GPHN: variants seen among roughly 807,000 people sequenced by gnomAD.
GPHN encodes gephyrin.
In GPHN, 17 loss-of-function variants were observed where a neutral mutation model predicts 95.5. The ratio of observed to expected loss-of-function variants is 0.18; its 90% CI spans 0.12 to 0.27. GPHN has a LOEUF of 0.27. Ranked by LOEUF, GPHN falls within the 10% of genes least tolerant of loss-of-function variation. The pLI, the probability that GPHN is intolerant of heterozygous loss-of-function variation, is 1.00. For synonymous variants in GPHN, 320 were observed against 322.5 expected, an observed-to-expected ratio of 0.99 and a Z score of 0.08; for missense variants, 660 against 978.1, an observed-to-expected ratio of 0.67 and a Z score of 4.34.
downstream of GPHN, among the ~76,000 whole-genome samples, chr14:67,186,643 A>G (rs143732912): frequency 1.3e-5 from 2 of 152,302 alleles, no homozygotes; most frequent in East Asian, 3.9e-4. Flanking sequence ...TGTCAAAAAC[A>G]AAAAACAACC....
intron 1 of GPHN, among the ~76,000 whole-genome samples, chr14:66,644,352 T>G (rs1428130199): frequency 1.3e-5 from 2 of 152,080 alleles, no homozygotes. Flanking sequence ...GATGATGCTT[T>G]GTGAGACTAA....
intron 1 of GPHN, among the ~76,000 whole-genome samples, chr14:66,659,207 G>A (rs1181613242): frequency 2.4e-4 from 36 of 151,234 alleles, no homozygotes; most frequent in Admixed American, 2.3e-3. Context: ...CTTGAGATGT[G>A]CTTTTTGTTT....
At chr14:67,366,709 T>G in the GPHN span, among the ~76,000 whole-genome samples, 1 of 152,192 alleles carries the variant, frequency 6.6e-6, no homozygotes, top group Non-Finnish European at 1.5e-5. Flanking sequence ...TATGTCCTCC[T>G]AGACAAGCCT....
At position 66,709,572 on chromosome 14, in the gene GPHN, A is replaced by G. The variant is rs1029313033; in HGVS notation, c.143+28387A>G. The G allele has an allele frequency of 8.9e-6, 3 of 338,630 alleles. No individual in the cohort carries two copies. The Admixed American group carries it at 1.1e-4, about 12-fold the overall frequency. 21.0% of individuals were successfully genotyped at this position (338,630 alleles called of 1,614,324 possible). A position where few individuals can be genotyped will look rare whatever the true frequency, so the allele number is the denominator to read the frequency against. On this transcript the variant is annotated intron_variant, in intron 2 of 22. Coordinates refer to ENST00000478722, the MANE Select transcript of GPHN (RefSeq NM_020806.5). ...TGTAAAATTTCATCATACTCCTCAG[A>G]CTGGCACATAATTTAAAACCTAAGT...
chr14:67,400,639 A>G, the GPHN span, among the ~76,000 whole-genome samples: 1 of 152,032 alleles, frequency 6.6e-6, no homozygotes, highest in African/African-American at 2.4e-5. Context: ...GGAGTGGAGA[A>G]GGCAATTAAG....
the GPHN span, among the ~76,000 whole-genome samples, chr14:67,679,735 C>A: frequency 1.3e-5 from 2 of 151,960 alleles, no homozygotes; most frequent in African/African-American, 4.8e-5. Flanking sequence ...TTTATAATTC[C>A]GATGCAGAAA....
At chr14:67,321,315 A>G in the GPHN span, 1 of 1,536,786 alleles carries the variant, frequency 6.5e-7, no homozygotes, top group Non-Finnish European at 9.0e-7. Flanking sequence ...CATATAGAGT[A>G]ATCTAGTGGA....
the GPHN span, chr14:67,562,453 C>T: frequency 1.2e-6 from 2 of 1,613,914 alleles, no homozygotes; most frequent in Middle Eastern, 1.7e-4. Context: ...AGCTTCTTAC[C>T]TTCAGATGTA....
chr14:66,780,074 T>A (rs1041454270), intron 3 of GPHN, among the ~76,000 whole-genome samples: 2 of 152,136 alleles, frequency 1.3e-5, no homozygotes, highest in Non-Finnish European at 1.5e-5. Flanking sequence ...TTATTGGATG[T>A]TTAGGGGAAA....
intron 9 of GPHN, among the ~76,000 whole-genome samples, chr14:66,979,089 G>T (rs769872987): frequency 2.6e-4 from 39 of 152,170 alleles, no homozygotes; most frequent in East Asian, 5.8e-4. Context: ...AGGCTTTCTT[G>T]TTCCATTTGT....
At chr14:67,077,904 A>T (rs2076558899) in intron 11 of GPHN, among the ~76,000 whole-genome samples, 1 of 152,146 alleles carries the variant, frequency 6.6e-6, no homozygotes, top group African/African-American at 2.4e-5. Context: ...GCCTGAGATC[A>T]CTTAATTGTA....
chr14:66,985,707 A>C (rs1434250618), intron 9 of GPHN: 2 of 1,532,006 alleles, frequency 1.3e-6, no homozygotes, highest in Non-Finnish European at 1.7e-6. Context: ...GATGAAAGCA[A>C]AGGAGTTGCT....
chr14:67,339,900 G>A, the GPHN span, among the ~76,000 whole-genome samples: 2 of 152,084 alleles, frequency 1.3e-5, no homozygotes, highest in Admixed American at 6.5e-5. Flanking sequence ...GGAGTTTTGA[G>A]ACCAGCCTGG....
chr14:67,648,296 C>T, the GPHN span: 15 of 1,274,748 alleles, frequency 1.2e-5, no homozygotes, highest in Non-Finnish European at 1.6e-5. Context: ...TTTGTTTTTG[C>T]TTAAACTTTT....
At chr14:67,183,395 G>A (rs2140222893), downstream of GPHN, among the ~76,000 whole-genome samples, 1 of 152,138 alleles carries the variant, frequency 6.6e-6, no homozygotes. Flanking sequence ...CTTTACATAT[G>A]TTCAATTTTC....
intron 4 of GPHN, among the ~76,000 whole-genome samples, chr14:66,872,555 T>A (rs2063482067): frequency 6.6e-6 from 1 of 152,112 alleles, no homozygotes; most frequent in Non-Finnish European, 1.5e-5. Context: ...GAAAATGAAA[T>A]TTTCCTTTCA....
At chr14:67,256,409 T>A in the GPHN span, among the ~76,000 whole-genome samples, 2 of 152,130 alleles carry the variant, frequency 1.3e-5, no homozygotes, top group African/African-American at 2.4e-5. Flanking sequence ...TTATATATTT[T>A]AAAAAAACAA....
chr14:67,392,933 C>A, the GPHN span: 42 of 1,198,770 alleles, frequency 3.5e-5, no homozygotes, highest in Non-Finnish European at 4.7e-5. Flanking sequence ...CTGACCTTGG[C>A]CCTCTGGGCA....
At chr14:67,153,986 T>G (rs1485216544) in intron 18 of GPHN, among the ~76,000 whole-genome samples, 1 of 152,206 alleles carries the variant, frequency 6.6e-6, no homozygotes, top group Non-Finnish European at 1.5e-5. Context: ...AAAGGGCTAT[T>G]TTTAAAAACA....
Sources: gnomAD v4.1 joint callset for allele counts (sites outside exome capture counted in the v4.1 genomes callset) on GRCh38, gnomAD v4.1.1 for gene constraint, MANE v1.5 for transcripts, NCBI Gene and HGNC (gene_info 2026-07-23, HGNC 2026-07-21) for gene names.